The following SHANK2 variants were observed in gnomAD, a reference collection of about 807,000 sequenced individuals.
SHANK2 encodes SH3 and multiple ankyrin repeat domains protein 2.
Under a neutral mutation model 133.7 loss-of-function variants are expected in SHANK2, and 43 were observed. That is an observed-to-expected ratio of 0.32 (90% confidence interval 0.25 to 0.41). The LOEUF is 0.41. Ranked by LOEUF, SHANK2 falls within the 10% of genes least tolerant of loss-of-function variation. The pLI is 1.00. For missense variants in SHANK2, 1,994 were observed against 2,235.8 expected (o/e 0.89, Z 2.18); for synonymous variants, 1,017 against 952.8 (o/e 1.07, Z -1.24).
chr11:70,643,480 C>A (rs758775178), intron 17 of SHANK2, among the ~76,000 whole-genome samples: 1 of 148,576 alleles, frequency 6.7e-6, no homozygotes, highest in Non-Finnish European at 1.5e-5. Flanking sequence ...AGGAGAATGG[C>A]GTGAACCCAG....
intron 13 of SHANK2, among the ~76,000 whole-genome samples, chr11:70,801,766 G>A (rs868916664): frequency 6.6e-6 from 1 of 152,170 alleles, no homozygotes; most frequent in African/African-American, 2.4e-5. Flanking sequence ...CCTACTCCAT[G>A]TGGAACACTA....
chr11:70,760,746 C>T (rs1324848313), intron 14 of SHANK2, among the ~76,000 whole-genome samples: 1 of 152,216 alleles, frequency 6.6e-6, no homozygotes, highest in Non-Finnish European at 1.5e-5. Flanking sequence ...AGGCAGTGGC[C>T]TGGAGGCTTC....
At chr11:70,622,542 C>T (rs2060844004) in intron 17 of SHANK2, among the ~76,000 whole-genome samples, 1 of 152,210 alleles carries the variant, frequency 6.6e-6, no homozygotes, top group South Asian at 2.1e-4. Context: ...CTGGGAGGGG[C>T]CATCCGTTCC....
intron 11 of SHANK2, among the ~76,000 whole-genome samples, chr11:70,845,323 T>C (rs1388854773): frequency 6.6e-6 from 1 of 152,120 alleles, no homozygotes; most frequent in Non-Finnish European, 1.5e-5. Flanking sequence ...GAGAGGACTT[T>C]CCACTGGAGT....
chr11:70,571,134 C>A (rs191388222), intron 17 of SHANK2, among the ~76,000 whole-genome samples: 22 of 152,312 alleles, frequency 1.4e-4, no homozygotes, highest in Non-Finnish European at 3.1e-4. Flanking sequence ...GCCTCTCCCC[C>A]ACTCCCTGGA....
At chr11:70,750,774 C>T (rs1783624) in intron 14 of SHANK2, among the ~76,000 whole-genome samples, 66,869 of 151,890 alleles carry the variant, frequency 0.44, 15,112 homozygotes, top group African/African-American at 0.54. Context: ...CCAAGCTTGG[C>T]GAGTGTCTGT....
intron 17 of SHANK2, among the ~76,000 whole-genome samples, chr11:70,537,813 G>A (rs898314972): frequency 3.3e-5 from 5 of 152,228 alleles, no homozygotes; most frequent in Admixed American, 6.5e-5. Flanking sequence ...AACAGGGACC[G>A]TGTGTGCGGG....
At chr11:71,163,071 T>TA (rs1159852026) in intron 2 of SHANK2, among the ~76,000 whole-genome samples, 2,128 of 45,454 alleles carry the variant, frequency 0.047, 169 homozygotes, top group African/African-American at 0.12. Context: ...AGACTCTGTC[T>TA]AAAAAAAAAA....
At chr11:71,076,627 T>A (rs1339149030) in intron 8 of SHANK2, among the ~76,000 whole-genome samples, 1 of 152,036 alleles carries the variant, frequency 6.6e-6, no homozygotes, top group African/African-American at 2.4e-5. Flanking sequence ...AGATCCCTGT[T>A]GCAGGTTTCC....
intron 12 of SHANK2, among the ~76,000 whole-genome samples, chr11:70,815,588 C>T (rs552089423): frequency 9.2e-5 from 14 of 152,284 alleles, no homozygotes; most frequent in South Asian, 4.1e-4. Context: ...CTCCTTGGGG[C>T]GCTCGCCATT....
intron 3 of SHANK2, among the ~76,000 whole-genome samples, chr11:71,124,492 C>T (rs1250915841): frequency 3.2e-4 from 48 of 151,870 alleles, no homozygotes; most frequent in Non-Finnish European, 4.1e-4. Context: ...TTATCACCTT[C>T]ACCACAACCC....
In SHANK2 at chr11:71,075,714, A is replaced by G. The variant is rs1015959313; in HGVS notation, c.913-439T>C. 3.3e-5 allele frequency among the ~76,000 whole-genome samples: 5 copies of G among 152,294 alleles called. No individual in the cohort carries two copies. The East Asian group carries it at 9.7e-4, about 29-fold the overall frequency. ...AAGGGGGCAGCACAAAATGGCCAGGAGAGGCCTTCACAGCCCTGCACTGCA... is the reference window on the plus strand; with the variant it reads ...AAGGGGGCAGCACAAAATGGCCAGGGGAGGCCTTCACAGCCCTGCACTGCA... On this transcript the variant is annotated intron_variant, in intron 8 of 25. Transcript: ENST00000601538.
chr11:70,883,636 G>A (rs1264975201), intron 11 of SHANK2, among the ~76,000 whole-genome samples: 1 of 152,160 alleles, frequency 6.6e-6, no homozygotes, highest in African/African-American at 2.4e-5. Flanking sequence ...GCTGCGGTGT[G>A]GAGCAGGACA....
intron 11 of SHANK2, among the ~76,000 whole-genome samples, chr11:70,846,040 A>G (rs1948992197): frequency 6.6e-6 from 1 of 152,160 alleles, no homozygotes; most frequent in African/African-American, 2.4e-5. Context: ...CCGAGCCCAG[A>G]GAGACCTGAA....
intron 17 of SHANK2, among the ~76,000 whole-genome samples, chr11:70,568,539 T>G (rs2059997236): frequency 6.6e-6 from 1 of 151,524 alleles, no homozygotes; most frequent in African/African-American, 2.4e-5. Context: ...AGCCTCCAGC[T>G]GGAGAGAAAC....
Position 70,861,910 on chromosome 11 carries a change from C to G in SHANK2, c.1174+34591G>C, listed in dbSNP as rs76473627. Among the ~76,000 whole-genome samples, 888 of 152,038 alleles carry G rather than the reference C, an allele frequency of 5.8e-3. 10 individuals are homozygous for G. The highest frequency in any genetic ancestry group is 0.02 in the African/African-American group (838 of 41,454). On this transcript the variant is annotated intron_variant, in intron 11 of 25. Coordinates refer to ENST00000601538, the MANE Select transcript of SHANK2 (RefSeq NM_012309.5). ...GAGATGTGATCAGTTAGAAGAGGAG[C>G]AGAGCCCAATTTGGATAGGGTGGTC... is the stretch of plus-strand genomic sequence containing the variant.
At chr11:70,936,903 G>C (rs1278443438) in intron 10 of SHANK2, among the ~76,000 whole-genome samples, 1 of 152,204 alleles carries the variant, frequency 6.6e-6, no homozygotes, top group Non-Finnish European at 1.5e-5. Context: ...CCAGCACTGG[G>C]TTTCCAGTTC....
At chr11:71,155,569 G>A (rs1952892620) in intron 2 of SHANK2, among the ~76,000 whole-genome samples, 1 of 152,102 alleles carries the variant, frequency 6.6e-6, no homozygotes, top group Admixed American at 6.5e-5. Flanking sequence ...GCAGAACCTG[G>A]CAGGGAGGTC....
Position 71,074,773 on chromosome 11 carries a change from ATT to A in SHANK2, c.1029+384_1029+385del, listed in dbSNP as rs36140840. Reference sequence around the variant, plus strand: ...TTTTGTAGTTTGCTGACCTAAGCCAATTTTTTTTTTTTTTTTTTTTTTTTGAG... The same window carrying A: ...TTTTGTAGTTTGCTGACCTAAGCCAATTTTTTTTTTTTTTTTTTTTTTGAG... On this transcript the variant is annotated intron_variant, in intron 9 of 25. Coordinates refer to ENST00000601538, the MANE Select transcript of SHANK2 (RefSeq NM_012309.5). 9.1e-3 allele frequency among the ~76,000 whole-genome samples: 846 copies of A among 92,524 alleles called. 2 individuals are homozygous for A. Among genetic ancestry groups the A allele is most frequent in the Middle Eastern group, 0.013 (2 of 152 alleles). The allele number at this position is 92,524 out of a possible 152,430, so 60.7% of individuals were successfully genotyped here.
Sources: gnomAD v4.1 joint callset for allele counts (sites outside exome capture counted in the v4.1 genomes callset) on GRCh38, gnomAD v4.1.1 for gene constraint, MANE v1.5 for transcripts, NCBI Gene and HGNC (gene_info 2026-07-23, HGNC 2026-07-21) for gene names.